Variants in SNX8 observed in about 807,000 individuals in gnomAD.
The protein encoded by SNX8 is sorting nexin 8.
In SNX8, 25 loss-of-function variants were observed where a neutral mutation model predicts 51.6. That is an observed-to-expected ratio of 0.48 (90% CI 0.35 to 0.68). The LOEUF is 0.68. Among genes scored for constraint, SNX8 ranks in the 30% least tolerant of loss-of-function variants. SNX8 has a pLI of 0.00. For synonymous variants in SNX8, 324 were observed against 277.0 expected (o/e 1.17, Z -1.68); for missense variants, 695 against 624.0 (o/e 1.11, Z -1.21).
At chr7:2,257,053 C>T (rs931348714) in intron 9 of SNX8, 30 bp from the exon 10 acceptor site, 5 of 1,571,520 alleles carry the variant, frequency 3.2e-6, no homozygotes, top group East Asian at 2.3e-5. Flanking sequence ...CTTTCGCACC[C>T]GGCCCAGCCG....
chr7:2,347,777 C>G (rs1012847072), intron 1 of SNX8, among the ~76,000 whole-genome samples: 3 of 151,948 alleles, frequency 2.0e-5, no homozygotes, highest in Non-Finnish European at 4.4e-5. Context: ...TCCCAAGTAG[C>G]TGGAATTACA....
chr7:2,347,569 A>AAAC (rs1423296123), intron 1 of SNX8, among the ~76,000 whole-genome samples: 1 of 150,792 alleles, frequency 6.6e-6, no homozygotes, highest in African/African-American at 2.4e-5. Flanking sequence ...CAGCATGGTC[A>AAAC]AACGAGACAG....
chr7:2,289,546 A>AG (rs1796105550), intron 1 of SNX8, among the ~76,000 whole-genome samples: 1 of 151,888 alleles, frequency 6.6e-6, no homozygotes, highest in African/African-American at 2.4e-5. Context: ...TGTTCCATCT[A>AG]GATGCTTTTC....
intron 7 of SNX8, among the ~76,000 whole-genome samples, chr7:2,261,072 CCT>C (rs1430807961): frequency 2.0e-5 from 3 of 152,196 alleles, no homozygotes; most frequent in African/African-American, 7.2e-5. Flanking sequence ...GTTCTGGGTC[CCT>C]GTGACAAGAA....
chr7:2,342,387 C>T (rs1029120903), intron 1 of SNX8, among the ~76,000 whole-genome samples: 3 of 151,964 alleles, frequency 2.0e-5, no homozygotes, highest in African/African-American at 7.3e-5. Flanking sequence ...GGCGCAGTGG[C>T]TCACGCCTGT....
At chr7:2,298,558 C>T (rs1003280722) in intron 1 of SNX8, among the ~76,000 whole-genome samples, 2 of 151,262 alleles carry the variant, frequency 1.3e-5, no homozygotes, top group African/African-American at 2.4e-5. Flanking sequence ...TTAGTAGAGA[C>T]GGGGTTTCAC....
chr7:2,281,882 C>T (rs1795914583), intron 1 of SNX8, among the ~76,000 whole-genome samples: 1 of 152,180 alleles, frequency 6.6e-6, no homozygotes, highest in African/African-American at 2.4e-5. Context: ...GCCATCTATG[C>T]CCTGATACTA....
chr7:2,272,377 C>CT (rs796551153), intron 3 of SNX8, among the ~76,000 whole-genome samples: 3,028 of 143,882 alleles, frequency 0.021, 49 homozygotes, highest in East Asian at 0.049. Context: ...GTCTTCTTTT[C>CT]TTTTTTTTTT....
Position 2,273,794 on chromosome 7 carries a change from C to T in SNX8, c.418+1318G>A, listed in dbSNP as rs541577817. On this transcript the variant is annotated intron_variant, in intron 3 of 10. Coordinates refer to ENST00000222990, the MANE Select transcript of SNX8 (RefSeq NM_013321.4). ...TGGCGGGCGCCTGTAGTCCCAGCTA[C>T]GCGGGAGGCTGAGGCAGGAGAATGG... Among the ~76,000 whole-genome samples, 1,140 of 151,250 alleles carry T rather than the reference C, an allele frequency of 7.5e-3. 6 individuals are homozygous for T. Among genetic ancestry groups the T allele is most frequent in the South Asian group, 0.014 (67 of 4,802 alleles).
At chr7:2,318,950 G>A (rs1796794447), upstream of SNX8, among the ~76,000 whole-genome samples, 1 of 152,126 alleles carries the variant, frequency 6.6e-6, no homozygotes, top group Non-Finnish European at 1.5e-5. Flanking sequence ...CAAGGCTGTG[G>A]TGAGCTGTGA....
chr7:2,315,200 T>TCACC (rs1376150511), upstream of SNX8, among the ~76,000 whole-genome samples: 2 of 150,598 alleles, frequency 1.3e-5, no homozygotes, highest in Non-Finnish European at 2.9e-5. Flanking sequence ...CTGCATTCAT[T>TCACC]CATTCACCCA....
chr7:2,301,240 G>T (rs1796384586), intron 1 of SNX8, among the ~76,000 whole-genome samples: 1 of 152,202 alleles, frequency 6.6e-6, no homozygotes, highest in Non-Finnish European at 1.5e-5. Context: ...ATCCAACAGA[G>T]ACCCTCACAG....
chr7:2,291,645 C>T (rs1036044716), intron 1 of SNX8, among the ~76,000 whole-genome samples: 20 of 152,086 alleles, frequency 1.3e-4, no homozygotes, highest in Middle Eastern at 3.4e-3. Flanking sequence ...TCGGAAGACC[C>T]AACCCCCTGG....
At chr7:2,284,895 TAATA>T (rs1161744256) in intron 1 of SNX8, among the ~76,000 whole-genome samples, 1 of 152,004 alleles carries the variant, frequency 6.6e-6, no homozygotes, top group African/African-American at 2.4e-5. Context: ...CTGAGTCGGC[TAATA>T]AATAAATAAG....
At chr7:2,332,624 G>T (rs532191679) in intron 1 of SNX8, among the ~76,000 whole-genome samples, 1 of 151,930 alleles carries the variant, frequency 6.6e-6, no homozygotes, top group Admixed American at 6.6e-5. Context: ...CGTGGTGGAG[G>T]ACACCTGTAG....
rs568569287 is a variant in SNX8, at chr7:2,277,063, C to T, written c.300+1037G>A. Among the ~76,000 whole-genome samples, 16 of 152,364 alleles carry T rather than the reference C, an allele frequency of 1.1e-4. No individual in the cohort carries two copies. In the East Asian group the frequency reaches 3.1e-3, roughly 29 times the overall value. ...GGGGCTGGGCCAGGGCCGCCCTCTC[C>T]CACACAGGAGTGGGCCCTGCTCTGT... On this transcript the variant is annotated intron_variant, in intron 2 of 10. Coordinates refer to ENST00000222990, the MANE Select transcript of SNX8 (RefSeq NM_013321.4).
At chr7:2,351,587 C>T (rs1779139336) in intron 1 of SNX8, among the ~76,000 whole-genome samples, 1 of 151,728 alleles carries the variant, frequency 6.6e-6, no homozygotes, top group Non-Finnish European at 1.5e-5. Context: ...AATCCCAGCA[C>T]TTCGGGAGGC....
At position 2,305,615 on chromosome 7, in the gene SNX8, C is replaced by T. The variant is rs565094171; in HGVS notation, c.94+8713G>A. On this transcript the variant is annotated intron_variant, in intron 1 of 10. Coordinates refer to ENST00000222990, the MANE Select transcript of SNX8 (RefSeq NM_013321.4). ...CTGACCTCAGGTGATCCGCCTGCCT[C>T]GGCCTCCCTAAGTGCTGGGATTACA... Among the ~76,000 whole-genome samples the T allele has an allele frequency of 3.3e-5, 5 of 152,152 alleles. 1 individual carries two copies. In the South Asian group the frequency reaches 6.2e-4, roughly 19 times the overall value.
chr7:2,251,793 T>C lies in SNX8; in HGVS notation c.*3263A>G, dbSNP rs1473288488. The C allele has an allele frequency of 3.3e-5, 5 of 152,644 alleles. No individual in the cohort carries two copies. The East Asian group carries it at 9.6e-4, about 29-fold the overall frequency. 9.5% of individuals were successfully genotyped at this position (152,644 alleles called of 1,614,324 possible). ...AATAACAGTTGTTCACACATGTTTA[T>C]TGATAAACCGTCCAAAATGTAGGTC... On this transcript the variant is annotated 3_prime_UTR_variant, in exon 11 of 11. Coordinates refer to ENST00000222990, the MANE Select transcript of SNX8 (RefSeq NM_013321.4).
Sources: allele counts gnomAD v4.1 joint callset (sites outside exome capture counted in the v4.1 genomes callset), GRCh38; gene constraint gnomAD v4.1.1; transcripts MANE v1.5; gene names NCBI Gene and HGNC (gene_info 2026-07-23, HGNC 2026-07-21).